PTPN12: variants seen among roughly 807,000 people sequenced by gnomAD.
PTPN12 encodes the protein protein tyrosine phosphatase non-receptor type 12.
A neutral mutation model predicts 97.6 loss-of-function variants in PTPN12; 29 were observed. The ratio of observed to expected loss-of-function variants is 0.30; its 90% CI spans 0.22 to 0.41. PTPN12 has a LOEUF of 0.41. Ranked by LOEUF, PTPN12 falls within the 10% of genes least tolerant of loss-of-function variation. The probability of loss-of-function intolerance (pLI) is 1.00; values close to 1 mark genes in which losing one functional copy is unlikely to be tolerated. For synonymous variants in PTPN12, 327 were observed against 300.4 expected (o/e 1.09, Z -0.91); for missense variants, 819 against 926.0 (o/e 0.88, Z 1.50).
chr7:77,558,631 A>G (rs1292821725), intron 1 of PTPN12, among the ~76,000 whole-genome samples: 5 of 152,302 alleles, frequency 3.3e-5, no homozygotes, highest in South Asian at 4.2e-4. Flanking sequence ...CCTGCTTACA[A>G]TGTTATCCCT....
In PTPN12 at chr7:77,605,747, A is replaced by G. The variant is rs969416233; in HGVS notation, c.696-1488A>G. 3.3e-5 allele frequency among the ~76,000 whole-genome samples: 5 copies of G among 151,912 alleles called. No homozygotes were observed. In the East Asian group the frequency reaches 9.7e-4, roughly 29 times the overall value. ...GTCATGTTTTAAAATAAAAAAACCT[A>G]TGGTATGTTACTCTAAAGTCCCCAG... On this transcript the variant is annotated intron_variant, in intron 8 of 17. Coordinates refer to ENST00000248594, the MANE Select transcript of PTPN12 (RefSeq NM_002835.4).
At chr7:77,607,108 A>G in intron 8 of PTPN12, 127 bp from the exon 9 acceptor site, 1 of 672,704 alleles carries the variant, frequency 1.5e-6, no homozygotes, top group Non-Finnish European at 2.5e-6. Context: ...TTTGTTTATT[A>G]CTAAGTAGAA....
chr7:77,625,850 G>A (rs886272077), intron 12 of PTPN12, among the ~76,000 whole-genome samples: 1 of 151,802 alleles, frequency 6.6e-6, no homozygotes, highest in African/African-American at 2.4e-5. Flanking sequence ...GATTACAGGC[G>A]TGAGCCACCA....
intron 1 of PTPN12, among the ~76,000 whole-genome samples, chr7:77,559,580 A>G (rs887011702): frequency 2.0e-5 from 3 of 148,478 alleles, no homozygotes; most frequent in African/African-American, 7.5e-5. Flanking sequence ...TTTAAATTAC[A>G]CTTCCAGTTT....
Position 77,537,431 on chromosome 7 carries a change from G to T in PTPN12, c.-116G>T. On this transcript the variant is annotated 5_prime_UTR_variant, in exon 1 of 18. Coordinates refer to ENST00000248594, the MANE Select transcript of PTPN12 (RefSeq NM_002835.4). ...GGAGGAGGGAGCCGCGGGGCTTGGC[G>T]GGGTCGGGAGGGAGGGACGTGCTGG... is the stretch of plus-strand genomic sequence containing the variant. The T allele has an allele frequency of 7.3e-7, 1 of 1,369,910 alleles. No individual in the cohort carries two copies. Among genetic ancestry groups the T allele is most frequent in the Non-Finnish European group, 9.5e-7 (1 of 1,053,282 alleles). The allele number at this position is 1,369,910 out of a possible 1,614,324, so 84.9% of individuals were successfully genotyped here.
At chr7:77,604,822 G>C in intron 8 of PTPN12, 1 of 384,940 alleles carries the variant, frequency 2.6e-6, no homozygotes, top group Non-Finnish European at 5.3e-6. Flanking sequence ...TATCCACCTG[G>C]ATTTTTTATG....
intron 12 of PTPN12, among the ~76,000 whole-genome samples, chr7:77,621,559 C>G (rs974072517): frequency 6.6e-6 from 1 of 151,766 alleles, no homozygotes; most frequent in South Asian, 2.1e-4. Context: ...GTCTCAGCTA[C>G]TTGGGAGGCT....
At position 77,538,477 on chromosome 7, in the gene PTPN12, G is replaced by T. The variant is rs143860955; in HGVS notation, c.99+832G>T. Among the ~76,000 whole-genome samples the T allele has an allele frequency of 9.9e-5, 15 of 152,156 alleles. No homozygotes were observed. In the East Asian group the frequency reaches 2.9e-3, roughly 30 times the overall value. On this transcript the variant is annotated intron_variant, in intron 1 of 17. Coordinates refer to ENST00000248594, the MANE Select transcript of PTPN12 (RefSeq NM_002835.4). ...GGAACTTGGGAACAATAGTCCTGGTGGGGCGGAGGCGACGCTACGGGCCGA... is the reference window on the plus strand; with the variant it reads ...GGAACTTGGGAACAATAGTCCTGGTTGGGCGGAGGCGACGCTACGGGCCGA...
chr7:77,541,018 C>T (rs1396457451), intron 1 of PTPN12, among the ~76,000 whole-genome samples: 1 of 152,204 alleles, frequency 6.6e-6, no homozygotes, highest in Non-Finnish European at 1.5e-5. Context: ...TCTTTTCGCT[C>T]TATCCAGCTG....
chr7:77,593,263 C>G (rs1562735003), intron 6 of PTPN12, among the ~76,000 whole-genome samples: 1 of 91,098 alleles, frequency 1.1e-5, no homozygotes, highest in African/African-American at 5.5e-5. Flanking sequence ...GGGTGAAACT[C>G]CATCTCAAAA....
chr7:77,621,722 G>A (rs1162421667), intron 12 of PTPN12, among the ~76,000 whole-genome samples: 1 of 152,030 alleles, frequency 6.6e-6, no homozygotes, highest in Non-Finnish European at 1.5e-5. Context: ...TTATTATCAA[G>A]GATTGTGTCC....
At chr7:77,600,878 T>C in intron 8 of PTPN12, 72 bp downstream of exon 8, 2 of 1,279,904 alleles carry the variant, frequency 1.6e-6, no homozygotes. Context: ...TATTTCTGCA[T>C]TAATATGTTA....
At chr7:77,603,883 C>CTTTTTTT (rs773037726) in intron 8 of PTPN12, among the ~76,000 whole-genome samples, 18 of 87,858 alleles carry the variant, frequency 2.0e-4, no homozygotes, top group African/African-American at 4.5e-4. Flanking sequence ...TTTTTGTTTG[C>CTTTTTTT]TTTTTTTTTT....
intron 11 of PTPN12, among the ~76,000 whole-genome samples, chr7:77,612,060 A>G (rs1256048094): frequency 1.3e-5 from 2 of 150,676 alleles, no homozygotes; most frequent in South Asian, 2.1e-4. Flanking sequence ...TAAACCAAGT[A>G]TGAGAAAATA....
At chr7:77,558,177 C>G (rs1163194764) in intron 1 of PTPN12, among the ~76,000 whole-genome samples, 1 of 140,554 alleles carries the variant, frequency 7.1e-6, no homozygotes, top group Non-Finnish European at 1.5e-5. Flanking sequence ...CGCCACTGCA[C>G]TCCAGCCTGG....
chr7:77,593,467 G>A (rs1308962776), intron 6 of PTPN12, among the ~76,000 whole-genome samples: 1 of 152,198 alleles, frequency 6.6e-6, no homozygotes, highest in Non-Finnish European at 1.5e-5. Context: ...ATCCTGGAGA[G>A]CCAATGCTGC....
chr7:77,618,390 A>T, intron 11 of PTPN12, 90 bp from the exon 12 acceptor site: 1 of 852,212 alleles, frequency 1.2e-6, no homozygotes, highest in Non-Finnish European at 1.8e-6. Context: ...TTGTTTAAGG[A>T]TTGAAAAGCA....
chr7:77,561,577 C>G (rs1807996938), intron 1 of PTPN12, among the ~76,000 whole-genome samples: 1 of 152,102 alleles, frequency 6.6e-6, no homozygotes, highest in African/African-American at 2.4e-5. Flanking sequence ...GTCTCTTAAA[C>G]TACACAAGTG....
intron 7 of PTPN12, 36 bp downstream of exon 7, chr7:77,597,937 T>G: frequency 1.2e-6 from 2 of 1,601,954 alleles, no homozygotes; most frequent in Non-Finnish European, 1.7e-6. Flanking sequence ...TCTGTAAGAA[T>G]AGTTTTCAGG....
Sources: gnomAD v4.1 joint callset for allele counts (sites outside exome capture counted in the v4.1 genomes callset) on GRCh38, gnomAD v4.1.1 for gene constraint, MANE v1.5 for transcripts, NCBI Gene and HGNC (gene_info 2026-07-23, HGNC 2026-07-21) for gene names.